Variants in EPM2A observed in about 807,000 individuals in gnomAD.
The protein encoded by EPM2A is laforin.
Under a neutral mutation model 26.5 loss-of-function variants are expected in EPM2A, and 21 were observed. That is an observed-to-expected ratio of 0.79 (90% CI 0.56 to 1.14). EPM2A has a LOEUF of 1.14. Among genes scored for constraint, EPM2A ranks in the 50% most tolerant of loss-of-function variants. The pLI, the probability that EPM2A is intolerant of heterozygous loss-of-function variation, is 0.00. For synonymous variants in EPM2A, 217 were observed against 177.6 expected (o/e 1.22, Z -1.76); for missense variants, 458 against 440.8 (o/e 1.04, Z -0.35).
chr6:145,424,953 A>G (rs950310781), intron 4 of EPM2A, among the ~76,000 whole-genome samples: 3 of 145,906 alleles, frequency 2.1e-5, no homozygotes, highest in African/African-American at 7.7e-5. Context: ...GACTAAGACT[A>G]TATTAGATAT....
intron 1 of EPM2A, among the ~76,000 whole-genome samples, chr6:145,688,175 GATTTT>G (rs1330976761): frequency 6.6e-6 from 1 of 152,054 alleles, no homozygotes; most frequent in Non-Finnish European, 1.5e-5. Context: ...AACATAACCA[GATTTT>G]ATTTTAAGGA....
At chr6:145,559,282 A>G (rs1304009811) in intron 2 of EPM2A, among the ~76,000 whole-genome samples, 2 of 152,068 alleles carry the variant, frequency 1.3e-5, no homozygotes, top group African/African-American at 4.8e-5. Context: ...ATCCAAACAG[A>G]CCAGAACTGA....
chr6:145,490,808 C>T (rs1326569882), intron 4 of EPM2A: 3 of 591,304 alleles, frequency 5.1e-6, no homozygotes, highest in Non-Finnish European at 6.5e-6. Flanking sequence ...TACCTGTATG[C>T]TTGTAGGGTC....
At chr6:145,561,114 G>C (rs1197951645) in intron 2 of EPM2A, among the ~76,000 whole-genome samples, 1 of 150,882 alleles carries the variant, frequency 6.6e-6, no homozygotes, top group African/African-American at 2.4e-5. Flanking sequence ...TTTATGGTAA[G>C]TGTCCTATAC....
chr6:145,490,613 T>A (rs1018750171), intron 4 of EPM2A: 4 of 666,916 alleles, frequency 6.0e-6, no homozygotes, highest in African/African-American at 5.3e-5. Context: ...TTCCATGTGC[T>A]CTCCCAAAGA....
chr6:145,394,353 G>A (rs1778377612), intron 4 of EPM2A, among the ~76,000 whole-genome samples: 1 of 152,044 alleles, frequency 6.6e-6, no homozygotes. Context: ...CTGAGCACCA[G>A]GCTTTTAAAA....
chr6:145,469,227 AACTC>A (rs993748634), intron 4 of EPM2A, among the ~76,000 whole-genome samples: 1 of 152,052 alleles, frequency 6.6e-6, no homozygotes, highest in African/African-American at 2.4e-5. Flanking sequence ...ATCTCATGAG[AACTC>A]ACTCACTATC....
chr6:145,460,572 T>C (rs770667719), intron 4 of EPM2A, among the ~76,000 whole-genome samples: 3 of 152,166 alleles, frequency 2.0e-5, no homozygotes, highest in Non-Finnish European at 4.4e-5. Context: ...AGGGAATTAT[T>C]ACCCTTTGTT....
intron 3 of EPM2A, among the ~76,000 whole-genome samples, chr6:145,633,177 G>A (rs879776692): frequency 7.2e-5 from 11 of 152,254 alleles, no homozygotes; most frequent in South Asian, 2.1e-4. Flanking sequence ...ATGGGATGGC[G>A]GGGGATGCGT....
chr6:145,673,469 C>T (rs933993373), intron 2 of EPM2A, among the ~76,000 whole-genome samples: 17 of 152,246 alleles, frequency 1.1e-4, no homozygotes, highest in Admixed American at 4.6e-4. Context: ...AGCAGGGCGG[C>T]GCATTGCCTC....
chr6:145,437,907 C>T (rs1202265182), intron 4 of EPM2A, among the ~76,000 whole-genome samples: 4 of 152,206 alleles, frequency 2.6e-5, no homozygotes, highest in Middle Eastern at 6.8e-3. Context: ...TTTAAACCTA[C>T]ACTGAAAATG....
At chr6:145,722,844 G>T in intron 1 of EPM2A, 1 of 419,580 alleles carries the variant, frequency 2.4e-6, no homozygotes, top group Non-Finnish European at 4.7e-6. Context: ...TAAGAGGCAG[G>T]GAGAAGATAG....
At chr6:145,587,584 G>A (rs896334192) in intron 2 of EPM2A, among the ~76,000 whole-genome samples, 8 of 152,148 alleles carry the variant, frequency 5.3e-5, no homozygotes, top group African/African-American at 1.9e-4. Flanking sequence ...TAAGATTTCT[G>A]TCAGTACAGC....
intron 2 of EPM2A, among the ~76,000 whole-genome samples, chr6:145,517,186 A>AG (rs1191678000): frequency 2.6e-5 from 4 of 152,160 alleles, no homozygotes; most frequent in Non-Finnish European, 5.9e-5. Flanking sequence ...GTGGTTGCCT[A>AG]GGGGAGGGAG....
intron 2 of EPM2A, among the ~76,000 whole-genome samples, chr6:145,575,926 C>T (rs896699240): frequency 1.3e-5 from 2 of 152,190 alleles, no homozygotes; most frequent in South Asian, 2.1e-4. Flanking sequence ...GGGACAGACC[C>T]ATTGATTCAA....
At chr6:145,417,087 C>T (rs977941077) in intron 4 of EPM2A, among the ~76,000 whole-genome samples, 4 of 152,150 alleles carry the variant, frequency 2.6e-5, no homozygotes, top group East Asian at 3.9e-4. Flanking sequence ...ACCTTGTTGG[C>T]GTTCCAGGGA....
chr6:145,675,279 A>G (rs1779945784), intron 2 of EPM2A, among the ~76,000 whole-genome samples: 1 of 152,232 alleles, frequency 6.6e-6, no homozygotes, highest in Admixed American at 6.5e-5. Context: ...AGATCTCCTG[A>G]AGGAAGCACT....
At chr6:145,553,830 T>C (rs1317954639) in intron 2 of EPM2A, among the ~76,000 whole-genome samples, 2 of 147,720 alleles carry the variant, frequency 1.4e-5, no homozygotes, top group East Asian at 3.9e-4. Flanking sequence ...ATATATATTA[T>C]ATATATAGTA....
At chr6:145,657,231 A>G (rs1778365183) in intron 2 of EPM2A, among the ~76,000 whole-genome samples, 2 of 151,850 alleles carry the variant, frequency 1.3e-5, no homozygotes, top group Non-Finnish European at 2.9e-5. Flanking sequence ...CTGGGACTAC[A>G]GGCGAGCACC....
Sources: allele counts gnomAD v4.1 joint callset (sites outside exome capture counted in the v4.1 genomes callset), GRCh38; gene constraint gnomAD v4.1.1; transcripts MANE v1.5; gene names NCBI Gene and HGNC (gene_info 2026-07-23, HGNC 2026-07-21).